TRABD2A: variants seen among roughly 807,000 people sequenced by gnomAD.
TRABD2A encodes TraB domain containing 2A.
Under a neutral mutation model 45.6 loss-of-function variants are expected in TRABD2A, and 43 were observed. The ratio of observed to expected loss-of-function variants is 0.94; its 90% CI spans 0.74 to 1.22. TRABD2A has a LOEUF of 1.22. Ranked by LOEUF, TRABD2A falls within the 50% of genes most tolerant of loss-of-function variation. The pLI is 0.00. For missense variants in TRABD2A, 642 were observed against 652.4 expected, an observed-to-expected ratio of 0.98 and a Z score of 0.17; for synonymous variants, 269 against 265.0, an observed-to-expected ratio of 1.02 and a Z score of -0.15.
chr2:84,861,884 A>G (rs749911449), intron 2 of TRABD2A, among the ~76,000 whole-genome samples: 30 of 152,364 alleles, frequency 2.0e-4, no homozygotes, highest in Non-Finnish European at 4.3e-4. Context: ...AGGATTCCTC[A>G]TTTTATGATT....
chr2:84,860,842 G>T (rs980970050), intron 2 of TRABD2A, among the ~76,000 whole-genome samples: 1 of 152,250 alleles, frequency 6.6e-6, no homozygotes, highest in Admixed American at 6.5e-5. Context: ...TGGTGAGGTG[G>T]AGAAGGTGTG....
chr2:84,862,024 G>A (rs945032159), intron 2 of TRABD2A, among the ~76,000 whole-genome samples: 11 of 152,224 alleles, frequency 7.2e-5, no homozygotes, highest in African/African-American at 2.4e-4. Context: ...ATACAGAGAA[G>A]AAGCGCCCTA....
intron 1 of TRABD2A, chr2:84,879,534 A>AT: frequency 2.1e-6 from 2 of 940,642 alleles, no homozygotes; most frequent in Non-Finnish European, 2.5e-6. Flanking sequence ...AGGTAGGACG[A>AT]TGGAATAAAG....
At chr2:84,866,158 A>C (rs1194860647) in intron 2 of TRABD2A, among the ~76,000 whole-genome samples, 1 of 152,186 alleles carries the variant, frequency 6.6e-6, no homozygotes, top group Admixed American at 6.5e-5. Context: ...GAGTTAAAAG[A>C]AGTCAAGATG....
At position 84,881,066 on chromosome 2, in the gene TRABD2A, G is replaced by C. The variant is rs1318051938; in HGVS notation, c.-27C>G. 6.4e-7 allele frequency: 1 copy of C among 1,562,412 alleles called. No homozygotes were observed. The highest frequency in any genetic ancestry group is 8.7e-7 in the Non-Finnish European group (1 of 1,155,788). ...CTCCTCAAGGCGGCTCCGAGGCCCG[G>C]AACGCGGAGGGAAGGAGTAGGGCAG... On this transcript the variant is annotated 5_prime_UTR_variant, in exon 1 of 7. Transcript: ENST00000409520.
At chr2:84,843,591 C>G (rs578246488) in intron 2 of TRABD2A, 1 of 152,644 alleles carries the variant, frequency 6.6e-6, no homozygotes, top group Admixed American at 6.5e-5. Context: ...CTGGGAAGTC[C>G]GAGATCAAGG....
chr2:84,878,732 G>A (rs1264772472), intron 1 of TRABD2A, among the ~76,000 whole-genome samples: 3 of 152,134 alleles, frequency 2.0e-5, no homozygotes, highest in Admixed American at 2.0e-4. Flanking sequence ...GAATCCTATA[G>A]GGGCTGCTGC....
chr2:84,863,237 A>ATTTTTTTTTTTTTT (rs1559095739), intron 2 of TRABD2A, among the ~76,000 whole-genome samples: 1 of 129,546 alleles, frequency 7.7e-6, no homozygotes, highest in African/African-American at 3.2e-5. Context: ...CTTCATGTGA[A>ATTTTTTTTTTTTTT]TCTTTTTTTT....
At position 84,870,603 on chromosome 2, in the gene TRABD2A, T is replaced by C. The variant is rs746023496; in HGVS notation, c.291A>G (p.Ser97=). 6.8e-6 allele frequency: 11 copies of C among 1,613,188 alleles called. No homozygotes were observed. Among genetic ancestry groups the C allele is most frequent in the Middle Eastern group, 1.7e-4 (1 of 6,060 alleles). Residue 97 remains serine (S), a synonymous_variant, in exon 2 of 7, where the codon TCA becomes TCG. Coordinates refer to ENST00000409520, the MANE Select transcript of TRABD2A (RefSeq NM_001277053.2). Reference sequence around the variant, plus strand: ...GCAGCATCTGACAGCTGGTGAGAGCTGAGATGGTATAGGGGTCTGTGAGAT... The same window carrying C: ...GCAGCATCTGACAGCTGGTGAGAGCCGAGATGGTATAGGGGTCTGTGAGAT... ...ELDLTDPYTI[S]ALTSCQMLPQ...
rs977127270 is a variant in TRABD2A at position 84,830,998 on chromosome 2, G to A, written c.1082+1057C>T. ...TGACCACAGATCGGGAGGCAGTGGG[G>A]GCCAGAGGAATGGAGGGGATATTAG... On this transcript the variant is annotated intron_variant, in intron 5 of 6. Transcript: ENST00000409520. This position sits in a 1 kb window ranked among gnomAD's most constrained non-coding sequence, Gnocchi z 4.9. 3.3e-5 allele frequency among the ~76,000 whole-genome samples: 5 copies of A among 152,172 alleles called. No individual in the cohort carries two copies. Among genetic ancestry groups the A allele is most frequent in the African/African-American group, 1.2e-4 (5 of 41,428 alleles).
At chr2:84,823,516 T>C (rs1681053449) in intron 6 of TRABD2A, among the ~76,000 whole-genome samples, 1 of 152,130 alleles carries the variant, frequency 6.6e-6, no homozygotes, top group Non-Finnish European at 1.5e-5. Flanking sequence ...TCCCCAGCCA[T>C]CTCTGAGACT....
chr2:84,868,520 ATTAG>A (rs1347642658), intron 2 of TRABD2A, among the ~76,000 whole-genome samples: 1 of 147,528 alleles, frequency 6.8e-6, no homozygotes, highest in African/African-American at 2.7e-5. Context: ...TAATTAGTTA[ATTAG>A]TTAACTAGTT....
intron 2 of TRABD2A, among the ~76,000 whole-genome samples, chr2:84,844,898 G>C (rs1392800371): frequency 1.3e-5 from 2 of 152,182 alleles, no homozygotes; most frequent in Non-Finnish European, 2.9e-5. Flanking sequence ...CAGGTTACCT[G>C]GTGCTTAAAT....
intron 3 of TRABD2A, among the ~76,000 whole-genome samples, chr2:84,840,949 T>C (rs1343197919): frequency 6.6e-6 from 1 of 152,228 alleles, no homozygotes; most frequent in African/African-American, 2.4e-5. Flanking sequence ...CCATTGCTGC[T>C]ATTCCTCCTT....
chr2:84,824,729 C>G (rs1226766934), intron 5 of TRABD2A, among the ~76,000 whole-genome samples: 1 of 151,992 alleles, frequency 6.6e-6, no homozygotes, highest in African/African-American at 2.4e-5. Flanking sequence ...CTTTTAAAGA[C>G]AGATGGAAAA....
Position 84,839,208 on chromosome 2 carries a change from C to G in TRABD2A, c.932G>C (p.Arg311Pro). The change falls in exon 4 of 7, where the codon CGG becomes CCG. Residue 311 changes from arginine (R) to proline (P), a missense_variant. Arg to Pro is a moderately radical substitution (Grantham distance 103, BLOSUM62 -2). Coordinates refer to ENST00000409520, the MANE Select transcript of TRABD2A (RefSeq NM_001277053.2). ...GAACTCCTCCAAAAGGGCCTTCACC[C>G]GCTTCCCTATTCTCTCATTCCGCTT... Reference protein sequence around the residue: ...IYKRNERIGKRVKALLEEFPD... With the variant: ...IYKRNERIGKPVKALLEEFPD... 6.2e-7 allele frequency: 1 copy of G among 1,613,948 alleles called. No homozygotes were observed. The highest frequency in any genetic ancestry group is 1.1e-5 in the South Asian group (1 of 91,076).
chr2:84,863,237 A>ATTTTTTTTTTTTTTTTT (rs1559095739), intron 2 of TRABD2A, among the ~76,000 whole-genome samples: 7 of 129,530 alleles, frequency 5.4e-5, no homozygotes, highest in African/African-American at 1.9e-4. Flanking sequence ...CTTCATGTGA[A>ATTTTTTTTTTTTTTTTT]TCTTTTTTTT....
chr2:84,830,063 T>G lies in TRABD2A; in HGVS notation c.1082+1992A>C, dbSNP rs1025944783. On this transcript the variant is annotated intron_variant, in intron 5 of 6. Transcript: ENST00000409520. This position sits in a 1 kb window ranked among gnomAD's most constrained non-coding sequence, Gnocchi z 4.9. ...TACACACTCCCCAGGTAGGGCCCTC[T>G]CCAGCACCCTAAGGACAGTGCGTTG... is the stretch of plus-strand genomic sequence containing the variant. Among the ~76,000 whole-genome samples, 39 of 151,770 alleles carry G rather than the reference T, an allele frequency of 2.6e-4. No individual in the cohort carries two copies. The highest frequency in any genetic ancestry group is 7.4e-5 in the Non-Finnish European group (5 of 67,958).
intron 1 of TRABD2A, among the ~76,000 whole-genome samples, chr2:84,880,436 G>A (rs370185159): frequency 2.0e-5 from 3 of 152,166 alleles, no homozygotes; most frequent in East Asian, 3.9e-4. Context: ...TAAAAACAAG[G>A]GAAATGGCTT....
Sources: gnomAD v4.1 joint callset for allele counts (sites outside exome capture counted in the v4.1 genomes callset) on GRCh38, gnomAD v4.1.1 for gene constraint, Gnocchi (gnomAD v3.1) non-coding constraint, MANE v1.5 for transcripts, NCBI Gene and HGNC (gene_info 2026-07-23, HGNC 2026-07-21) for gene names.